The following SYT1 variants were observed in gnomAD, a reference collection of about 807,000 sequenced individuals.
The protein encoded by SYT1 is synaptotagmin-1.
In SYT1, 8 loss-of-function variants were observed where a neutral mutation model predicts 44.8. The ratio of observed to expected loss-of-function variants is 0.18; its 90% CI spans 0.10 to 0.32. The LOEUF (loss-of-function observed/expected upper bound fraction) is 0.32, where lower values mean the gene tolerates loss of function less well. Among genes scored for constraint, SYT1 ranks in the 10% least tolerant of loss-of-function variants. The probability of loss-of-function intolerance (pLI) is 1.00; values close to 1 mark genes in which losing one functional copy is unlikely to be tolerated. For synonymous variants in SYT1, 154 were observed against 188.8 expected, an observed-to-expected ratio of 0.82 and a Z score of 1.51; for missense variants, 286 against 509.3, an observed-to-expected ratio of 0.56 and a Z score of 4.22.
At chr12:78,931,300 AAGGAAGGAGAGGGAGGGAGG>A (rs1565723664) in intron 1 of SYT1, among the ~76,000 whole-genome samples, 9 of 72,502 alleles carry the variant, frequency 1.2e-4, no homozygotes, top group African/African-American at 3.0e-4. Flanking sequence ...GGAAGGAAGG[AAGGAAGGAGAGGGAGGGAGG>A]GAGGGAGGGA....
intron 3 of SYT1, among the ~76,000 whole-genome samples, chr12:79,165,240 G>A (rs1483103368): frequency 6.6e-6 from 1 of 151,836 alleles, no homozygotes; most frequent in Non-Finnish European, 1.5e-5. Flanking sequence ...TGTCATTTAT[G>A]GCTGAAAATT....
chr12:79,226,929 T>C (rs1391654990), intron 4 of SYT1, among the ~76,000 whole-genome samples: 1 of 152,202 alleles, frequency 6.6e-6, no homozygotes, highest in Non-Finnish European at 1.5e-5. Context: ...ATAAAGGTTA[T>C]CACTTTTGAC....
intron 2 of SYT1, among the ~76,000 whole-genome samples, chr12:79,039,422 G>A (rs961775779): frequency 6.6e-6 from 1 of 151,884 alleles, no homozygotes; most frequent in Admixed American, 6.6e-5. Flanking sequence ...ATAGATGATG[G>A]AAGGTGCAAA....
intron 1 of SYT1, among the ~76,000 whole-genome samples, chr12:78,953,338 C>T (rs1879060453): frequency 1.3e-5 from 2 of 152,106 alleles, no homozygotes; most frequent in South Asian, 4.1e-4. Flanking sequence ...CCATGCATTG[C>T]TCATGTGCTG....
chr12:79,401,809 A>G (rs1885078708), intron 9 of SYT1, among the ~76,000 whole-genome samples: 1 of 151,976 alleles, frequency 6.6e-6, no homozygotes, highest in Non-Finnish European at 1.5e-5. Flanking sequence ...AGCTAGGACT[A>G]CAGGCAGGAG....
chr12:79,051,531 G>A (rs892061456), intron 3 of SYT1, among the ~76,000 whole-genome samples: 49 of 151,348 alleles, frequency 3.2e-4, no homozygotes, highest in Non-Finnish European at 5.9e-4. Context: ...CATGTGCAGC[G>A]AATCCATAGG....
At chr12:79,325,219 T>C (rs1295674058) in intron 8 of SYT1, among the ~76,000 whole-genome samples, 1 of 152,236 alleles carries the variant, frequency 6.6e-6, no homozygotes, top group Non-Finnish European at 1.5e-5. Context: ...TTCTCATGGT[T>C]AAGGAGCGCT....
chr12:79,420,656 C>G (rs1189629887), intron 9 of SYT1, among the ~76,000 whole-genome samples: 1 of 152,034 alleles, frequency 6.6e-6, no homozygotes, highest in Non-Finnish European at 1.5e-5. Flanking sequence ...CAAAGTAGCA[C>G]AAGAGAGATA....
At chr12:79,306,000 A>G (rs1880377450) in intron 8 of SYT1, among the ~76,000 whole-genome samples, 1 of 152,060 alleles carries the variant, frequency 6.6e-6, no homozygotes, top group Non-Finnish European at 1.5e-5. Context: ...CCTGGCCCAC[A>G]CCATTTTCTT....
At chr12:79,238,248 T>C (rs960534583) in intron 4 of SYT1, among the ~76,000 whole-genome samples, 1 of 152,112 alleles carries the variant, frequency 6.6e-6, no homozygotes, top group Non-Finnish European at 1.5e-5. Context: ...TAAGCAGGTT[T>C]TATGCTGCAA....
intron 8 of SYT1, among the ~76,000 whole-genome samples, chr12:79,312,436 T>C (rs1021820718): frequency 1.3e-5 from 2 of 152,230 alleles, no homozygotes; most frequent in African/African-American, 4.8e-5. Context: ...GATATTTGCA[T>C]GGAACTGTTT....
chr12:79,011,935 C>G (rs1871434926), intron 2 of SYT1, among the ~76,000 whole-genome samples: 1 of 151,928 alleles, frequency 6.6e-6, no homozygotes, highest in South Asian at 2.1e-4. Context: ...AGTTCAAGAC[C>G]AGCCTGGCCA....
chr12:78,904,479 CA>C (rs1479557173), intron 1 of SYT1, among the ~76,000 whole-genome samples: 2 of 152,156 alleles, frequency 1.3e-5, no homozygotes, highest in Admixed American at 6.6e-5. Context: ...AACCTCTATT[CA>C]CCAGTTTTCG....
chr12:79,099,081 C>G (rs903359734), intron 3 of SYT1, among the ~76,000 whole-genome samples: 7 of 152,102 alleles, frequency 4.6e-5, no homozygotes, highest in African/African-American at 1.7e-4. Context: ...TTAGTGCTAT[C>G]CTTAGTAACT....
At chr12:78,913,853 A>T (rs555863628) in intron 1 of SYT1, among the ~76,000 whole-genome samples, 2 of 152,014 alleles carry the variant, frequency 1.3e-5, no homozygotes, top group South Asian at 4.1e-4. Flanking sequence ...TTGGAAGGGT[A>T]TCTTGCTATC....
At chr12:78,928,468 A>AC (rs2137189634) in intron 1 of SYT1, among the ~76,000 whole-genome samples, 1 of 152,202 alleles carries the variant, frequency 6.6e-6, no homozygotes, top group South Asian at 2.1e-4. Context: ...ACCTCAGCAT[A>AC]CTTTTTTTTT....
At chr12:79,043,680 T>C (rs1278717570) in intron 2 of SYT1, among the ~76,000 whole-genome samples, 1 of 152,166 alleles carries the variant, frequency 6.6e-6, no homozygotes, top group African/African-American at 2.4e-5. Flanking sequence ...TGATGTTAGC[T>C]GGTTCTTTTG....
intron 2 of SYT1, among the ~76,000 whole-genome samples, chr12:78,979,167 A>T (rs1869063841): frequency 6.6e-6 from 1 of 152,184 alleles, no homozygotes. Context: ...TTTTCTAGGA[A>T]ATAATTGCCA....
At chr12:78,917,565 C>A (rs886468132) in intron 1 of SYT1, among the ~76,000 whole-genome samples, 3 of 149,908 alleles carry the variant, frequency 2.0e-5, no homozygotes, top group Non-Finnish European at 4.4e-5. Flanking sequence ...ACATATGTAA[C>A]AAACCTGCAC....
Sources: allele counts gnomAD v4.1 joint callset (sites outside exome capture counted in the v4.1 genomes callset), GRCh38; gene constraint gnomAD v4.1.1; transcripts MANE v1.5; gene names NCBI Gene and HGNC (gene_info 2026-07-23, HGNC 2026-07-21).